LAMA2: variants seen among roughly 807,000 people sequenced by gnomAD.
LAMA2 encodes laminin subunit alpha-2.
A neutral mutation model predicts 364.8 loss-of-function variants in LAMA2; 269 were observed. That is an observed-to-expected ratio of 0.74 (90% CI 0.67 to 0.82). The LOEUF is 0.82. Ranked by LOEUF, LAMA2 falls within the 40% of genes least tolerant of loss-of-function variation. The pLI, the probability that LAMA2 is intolerant of heterozygous loss-of-function variation, is 0.00. For synonymous variants in LAMA2, 1,379 were observed against 1,370.6 expected, an observed-to-expected ratio of 1.01 and a Z score of -0.14; for missense variants, 3,807 against 3,873.2, an observed-to-expected ratio of 0.98 and a Z score of 0.45.
chr6:129,318,908 T>A (rs1008337768), intron 27 of LAMA2, among the ~76,000 whole-genome samples: 5 of 152,228 alleles, frequency 3.3e-5, no homozygotes, highest in African/African-American at 1.2e-4. Context: ...TAAAGTTTAT[T>A]TCCCAAACAT....
At chr6:129,243,243 C>A (rs1477032028) in intron 12 of LAMA2, among the ~76,000 whole-genome samples, 1 of 152,068 alleles carries the variant, frequency 6.6e-6, no homozygotes, top group Non-Finnish European at 1.5e-5. Context: ...TGTTACACAG[C>A]AGACAAAACA....
intron 1 of LAMA2, among the ~76,000 whole-genome samples, chr6:128,930,192 G>T (rs1215822496): frequency 2.6e-5 from 4 of 152,230 alleles, no homozygotes; most frequent in African/African-American, 9.6e-5. Context: ...CAAGGGAAGT[G>T]CCCGGGTGTG....
At chr6:128,883,390 T>C (rs746280682) in intron 1 of LAMA2, 33 bp downstream of exon 1, 22 of 1,559,914 alleles carry the variant, frequency 1.4e-5, no homozygotes, top group Non-Finnish European at 1.8e-5. Flanking sequence ...GGTTGCATCC[T>C]TTGCCGGGAC....
rs183251484 is a variant in LAMA2, at chr6:129,160,306, G to T, written c.1207-5270G>T. On this transcript the variant is annotated intron_variant, in intron 8 of 64. Coordinates refer to ENST00000421865, the MANE Select transcript of LAMA2 (RefSeq NM_000426.4). ...GTTTTGTATTAATATCTTTAGGGAG[G>T]GTCAATTTTTGATATATTGTATTTT... Among the ~76,000 whole-genome samples, 230 of 151,822 alleles carry T rather than the reference G, an allele frequency of 1.5e-3. 2 individuals are homozygous for T. Among genetic ancestry groups the T allele is most frequent in the Admixed American group, 0.014 (215 of 15,256 alleles).
At chr6:129,390,428 T>G (rs143939039) in intron 35 of LAMA2, among the ~76,000 whole-genome samples, 28 of 152,114 alleles carry the variant, frequency 1.8e-4, no homozygotes, top group Non-Finnish European at 3.1e-4. Context: ...CTCTGCCCAG[T>G]GCAAAACTCT....
chr6:128,888,767 G>C (rs896960425), intron 1 of LAMA2, among the ~76,000 whole-genome samples: 15 of 152,158 alleles, frequency 9.9e-5, no homozygotes, highest in African/African-American at 3.4e-4. Flanking sequence ...TAAAGATTTT[G>C]CCTTTTTGTC....
At chr6:129,037,666 A>AAT (rs1786739687) in intron 1 of LAMA2, among the ~76,000 whole-genome samples, 1 of 140,766 alleles carries the variant, frequency 7.1e-6, no homozygotes, top group African/African-American at 2.6e-5. Context: ...ATTTAATTTA[A>AAT]TTTTTTTTTT....
At chr6:128,885,932 C>CAGCA (rs377360047) in intron 1 of LAMA2, among the ~76,000 whole-genome samples, 10 of 152,294 alleles carry the variant, frequency 6.6e-5, no homozygotes, top group African/African-American at 2.4e-4. Context: ...TTCTGCATTT[C>CAGCA]AGCAAGGCAG....
At chr6:129,387,097 T>C (rs1437440018) in intron 35 of LAMA2, among the ~76,000 whole-genome samples, 2 of 152,170 alleles carry the variant, frequency 1.3e-5, no homozygotes, top group Non-Finnish European at 2.9e-5. Context: ...TGATGTCCTA[T>C]AGAAACTTTA....
At chr6:129,418,314 A>G (rs943284860) in intron 40 of LAMA2, among the ~76,000 whole-genome samples, 3 of 151,946 alleles carry the variant, frequency 2.0e-5, no homozygotes, top group Non-Finnish European at 1.5e-5. Context: ...GTCTTTCACT[A>G]TTTTATACTC....
At chr6:129,065,129 T>A (rs575621575) in intron 3 of LAMA2, among the ~76,000 whole-genome samples, 1 of 152,186 alleles carries the variant, frequency 6.6e-6, no homozygotes, top group Non-Finnish European at 1.5e-5. Context: ...TGTGATACCT[T>A]ACATTAGTAG....
chr6:129,115,064 A>AT (rs928932802), intron 4 of LAMA2, among the ~76,000 whole-genome samples: 4 of 152,024 alleles, frequency 2.6e-5, no homozygotes, highest in Non-Finnish European at 4.4e-5. Context: ...AATGACTTCT[A>AT]TTTTTTTCAT....
intron 1 of LAMA2, among the ~76,000 whole-genome samples, chr6:128,921,711 T>TTTTTTA (rs1778742464): frequency 2.2e-5 from 3 of 138,798 alleles, no homozygotes; most frequent in Non-Finnish European, 4.8e-5. Flanking sequence ...TTTTTTTTTT[T>TTTTTTA]TTATTATTAT....
At chr6:129,096,195 T>C (rs1275003428) in intron 3 of LAMA2, among the ~76,000 whole-genome samples, 1 of 152,226 alleles carries the variant, frequency 6.6e-6, no homozygotes, top group Admixed American at 6.5e-5. Flanking sequence ...CAATTCCTTA[T>C]GAATAATACC....
At chr6:129,243,542 G>A (rs1476243662) in intron 12 of LAMA2, among the ~76,000 whole-genome samples, 1 of 151,870 alleles carries the variant, frequency 6.6e-6, no homozygotes, top group Non-Finnish European at 1.5e-5. Flanking sequence ...TGAGCTTCTA[G>A]GACACTGATA....
In LAMA2 at chr6:129,320,452, GA is replaced by G. The variant is rs1486707111; in HGVS notation, c.4059-84del. 4 of 834,846 alleles carry G rather than the reference GA, an allele frequency of 4.8e-6. No homozygotes were observed. The African/African-American group carries it at 6.6e-5, about 14-fold the overall frequency. 51.7% of individuals were successfully genotyped at this position (834,846 alleles called of 1,614,324 possible). ...ATACTTGAGGTTGACAAAAACGTGA[GA>G]AGGATATTGCTGTAGGATTGATTGT... is the stretch of plus-strand genomic sequence containing the variant. On this transcript the variant is annotated intron_variant, in intron 27 of 64. Transcript: ENST00000421865.
intron 12 of LAMA2, among the ~76,000 whole-genome samples, chr6:129,248,029 C>A (rs1339686524): frequency 6.6e-6 from 1 of 152,100 alleles, no homozygotes; most frequent in Non-Finnish European, 1.5e-5. Flanking sequence ...AAGAATTGGG[C>A]GGCACAACAG....
At chr6:129,044,599 T>C (rs553133748) in intron 1 of LAMA2, among the ~76,000 whole-genome samples, 1 of 151,502 alleles carries the variant, frequency 6.6e-6, no homozygotes, top group African/African-American at 2.4e-5. Flanking sequence ...TATTATTCTA[T>C]ATATAATATG....
At chr6:129,261,733 A>G (rs1041012835) in intron 15 of LAMA2, among the ~76,000 whole-genome samples, 2 of 152,126 alleles carry the variant, frequency 1.3e-5, no homozygotes, top group African/African-American at 4.8e-5. Context: ...AATAATGCAT[A>G]CATCTAGAGA....
Sources: allele counts gnomAD v4.1 joint callset (sites outside exome capture counted in the v4.1 genomes callset), GRCh38; gene constraint gnomAD v4.1.1; transcripts MANE v1.5; gene names NCBI Gene and HGNC (gene_info 2026-07-23, HGNC 2026-07-21).